Variants in PIP5K1B observed in about 807,000 individuals in gnomAD.
PIP5K1B encodes phosphatidylinositol-4-phosphate 5-kinase type 1 beta, also known as phosphatidylinositol 4-phosphate 5-kinase type-1 beta.
Under a neutral mutation model 67.0 loss-of-function variants are expected in PIP5K1B, and 42 were observed. That is an observed-to-expected ratio of 0.63 (90% CI 0.49 to 0.81). PIP5K1B has a LOEUF of 0.81. Among genes scored for constraint, PIP5K1B ranks in the 30% least tolerant of loss-of-function variants. The pLI is 0.00. For synonymous variants in PIP5K1B, 214 were observed against 231.4 expected (o/e 0.92, Z 0.68); for missense variants, 459 against 646.3 (o/e 0.71, Z 3.14).
intron 2 of PIP5K1B, among the ~76,000 whole-genome samples, chr9:68,817,771 G>A (rs958277775): frequency 7.0e-6 from 1 of 143,730 alleles, no homozygotes; most frequent in Middle Eastern, 3.6e-3. Flanking sequence ...GCCCAGGCTG[G>A]TCTCAAATTC....
intron 2 of PIP5K1B, among the ~76,000 whole-genome samples, chr9:68,777,863 ATTAAT>A (rs1830998356): frequency 6.6e-6 from 1 of 152,204 alleles, no homozygotes; most frequent in Non-Finnish European, 1.5e-5. Context: ...CTTACCTAAT[ATTAAT>A]TTTTTTGTAG....
At chr9:68,909,555 A>G (rs1174737668) in intron 8 of PIP5K1B, among the ~76,000 whole-genome samples, 2 of 152,216 alleles carry the variant, frequency 1.3e-5, no homozygotes, top group African/African-American at 4.8e-5. Flanking sequence ...TCTACTTGCT[A>G]AGTTCCTTGT....
At chr9:69,008,299 C>A in intron 15 of PIP5K1B, 148 bp from the exon 16 acceptor site, 2 of 729,978 alleles carry the variant, frequency 2.7e-6, no homozygotes, top group South Asian at 2.9e-5. Flanking sequence ...CTATGCTGAT[C>A]ATTGCAGAAG....
chr9:68,981,988 A>G (rs975061551), intron 14 of PIP5K1B, among the ~76,000 whole-genome samples: 8 of 152,188 alleles, frequency 5.3e-5, no homozygotes, highest in Non-Finnish European at 5.9e-5. Context: ...GTGTTTTTAC[A>G]AGGGAAGAAC....
At chr9:68,799,450 G>A (rs1012314177) in intron 2 of PIP5K1B, among the ~76,000 whole-genome samples, 2 of 152,150 alleles carry the variant, frequency 1.3e-5, no homozygotes, top group African/African-American at 4.8e-5. Context: ...TCTTGAGAAA[G>A]AAGAGCAAAG....
At chr9:68,869,102 C>T (rs575236419) in intron 5 of PIP5K1B, among the ~76,000 whole-genome samples, 2 of 152,210 alleles carry the variant, frequency 1.3e-5, no homozygotes, top group South Asian at 4.1e-4. Context: ...GGCATAATGA[C>T]ATAAACTTAT....
At chr9:68,814,408 A>G (rs547298961) in intron 2 of PIP5K1B, among the ~76,000 whole-genome samples, 1 of 152,380 alleles carries the variant, frequency 6.6e-6, no homozygotes, top group Non-Finnish European at 1.5e-5. Context: ...TGTTATAGGC[A>G]TTGCCTTTAT....
At chr9:68,888,780 G>T (rs1824617380) in intron 6 of PIP5K1B, among the ~76,000 whole-genome samples, 1 of 152,000 alleles carries the variant, frequency 6.6e-6, no homozygotes, top group Non-Finnish European at 1.5e-5. Context: ...TTTCATCATA[G>T]AATTATTAAG....
intron 1 of PIP5K1B, among the ~76,000 whole-genome samples, chr9:68,721,815 A>G (rs1827899028): frequency 1.3e-5 from 2 of 152,124 alleles, no homozygotes; most frequent in Admixed American, 6.5e-5. Flanking sequence ...ACTAAATGAA[A>G]TGTTCCTGAA....
intron 14 of PIP5K1B, among the ~76,000 whole-genome samples, chr9:68,969,437 G>C (rs1829237739): frequency 6.6e-6 from 1 of 151,342 alleles, no homozygotes; most frequent in Admixed American, 6.6e-5. Flanking sequence ...TCAATCAAGG[G>C]AAGCTATTAC....
intron 4 of PIP5K1B, among the ~76,000 whole-genome samples, chr9:68,842,564 GGGAT>G (rs1587540585): frequency 6.6e-6 from 1 of 152,144 alleles, no homozygotes; most frequent in African/African-American, 2.4e-5. Context: ...AGATAGAAGG[GGGAT>G]GTACCTTGGT....
intron 2 of PIP5K1B, among the ~76,000 whole-genome samples, chr9:68,749,944 A>C (rs1829537798): frequency 6.6e-6 from 1 of 152,242 alleles, no homozygotes; most frequent in South Asian, 2.1e-4. Context: ...ATCACTAAGT[A>C]GCTGTGTGGC....
intron 15 of PIP5K1B, among the ~76,000 whole-genome samples, chr9:68,999,246 C>G (rs1830715838): frequency 6.6e-6 from 1 of 152,174 alleles, no homozygotes; most frequent in African/African-American, 2.4e-5. Flanking sequence ...CTAATTACAT[C>G]TGCAAAGACC....
chr9:68,809,690 C>T (rs187170340), intron 2 of PIP5K1B, among the ~76,000 whole-genome samples: 111 of 152,210 alleles, frequency 7.3e-4, no homozygotes, highest in African/African-American at 2.6e-3. Flanking sequence ...AACACGGTGC[C>T]CAGACTCTTT....
intron 2 of PIP5K1B, among the ~76,000 whole-genome samples, chr9:68,770,730 C>G (rs1278335029): frequency 1.3e-5 from 2 of 152,146 alleles, no homozygotes; most frequent in Admixed American, 1.3e-4. Flanking sequence ...GCCTAATGAT[C>G]TGAAGTAGAA....
intron 15 of PIP5K1B, among the ~76,000 whole-genome samples, chr9:68,999,379 A>G (rs1361992690): frequency 2.6e-5 from 4 of 152,170 alleles, no homozygotes; most frequent in African/African-American, 4.8e-5. Context: ...TACCACACAT[A>G]GCCTCGTTTT....
intron 4 of PIP5K1B, among the ~76,000 whole-genome samples, chr9:68,854,558 T>C (rs7867287): frequency 0.44 from 66,402 of 152,086 alleles, 14,811 homozygotes; most frequent in Non-Finnish European, 0.48. Flanking sequence ...AAACTTGTTA[T>C]GATTACATTT....
At chr9:68,812,661 C>G (rs1306742875) in intron 2 of PIP5K1B, among the ~76,000 whole-genome samples, 2 of 152,210 alleles carry the variant, frequency 1.3e-5, no homozygotes, top group Non-Finnish European at 2.9e-5. Context: ...CAGGCTCTTG[C>G]CAGAGACTAC....
At chr9:68,849,634 G>T (rs1169409206) in intron 4 of PIP5K1B, among the ~76,000 whole-genome samples, 1 of 152,192 alleles carries the variant, frequency 6.6e-6, no homozygotes, top group Admixed American at 6.5e-5. Flanking sequence ...CCAAAGTGCT[G>T]GGATTAAAGG....
Sources: gnomAD v4.1 joint callset for allele counts (sites outside exome capture counted in the v4.1 genomes callset) on GRCh38, gnomAD v4.1.1 for gene constraint, MANE v1.5 for transcripts, NCBI Gene and HGNC (gene_info 2026-07-23, HGNC 2026-07-21) for gene names.